The following EBF2 variants were observed in gnomAD, a reference collection of about 807,000 sequenced individuals.
The protein encoded by EBF2 is transcription factor COE2.
EBF2 carries 21 observed loss-of-function variants against 72.8 expected under a neutral mutation model. The observed-to-expected ratio is 0.29, with a 90% CI of 0.20 to 0.42. The LOEUF is 0.42. Among genes scored for constraint, EBF2 ranks in the 10% least tolerant of loss-of-function variants. The pLI is 1.00. For missense variants in EBF2, 637 were observed against 731.2 expected (o/e 0.87, Z 1.49); for synonymous variants, 299 against 274.2 (o/e 1.09, Z -0.89).
chr8:25,980,149 C>T lies in EBF2; in HGVS notation c.551+52936G>A, dbSNP rs548220294. Among the ~76,000 whole-genome samples the T allele has an allele frequency of 8.7e-4, 133 of 152,256 alleles. 1 individual carries two copies. The highest frequency in any genetic ancestry group is 2.9e-3 in the African/African-American group (122 of 41,544). On this transcript the variant is annotated intron_variant, in intron 6 of 15. Transcript: ENST00000520164. ...GCTACCCCCTCAGACCACCAAAAAA[C>T]GGAAAAGCGGGGGTGGGAGGGGCAT...
intron 6 of EBF2, among the ~76,000 whole-genome samples, chr8:26,009,331 C>T (rs1804940510): frequency 6.6e-6 from 1 of 152,110 alleles, no homozygotes; most frequent in South Asian, 2.1e-4. Context: ...TACAAGTGAG[C>T]ACCAGGGAAT....
At chr8:25,909,213 C>A (rs1272402878) in intron 6 of EBF2, among the ~76,000 whole-genome samples, 6 of 152,100 alleles carry the variant, frequency 3.9e-5, no homozygotes, top group South Asian at 2.1e-4. Flanking sequence ...ATATATATTT[C>A]TTGAAGCCAA....
chr8:26,022,486 C>A (rs1356045002), intron 6 of EBF2, among the ~76,000 whole-genome samples: 1 of 152,214 alleles, frequency 6.6e-6, no homozygotes, highest in African/African-American at 2.4e-5. Context: ...ATAGCCCCAG[C>A]CCTCATCTCA....
chr8:25,961,408 G>T (rs1489045041), intron 6 of EBF2, among the ~76,000 whole-genome samples: 3 of 152,166 alleles, frequency 2.0e-5, no homozygotes, highest in Non-Finnish European at 4.4e-5. Context: ...CTGTCGCCCA[G>T]ACTGGAGTGC....
intron 5 of EBF2, among the ~76,000 whole-genome samples, chr8:26,034,466 A>G (rs1049931561): frequency 6.6e-6 from 1 of 152,186 alleles, no homozygotes; most frequent in Non-Finnish European, 1.5e-5. Flanking sequence ...GGGCAATTAC[A>G]ACAAACAGAA....
intron 6 of EBF2, among the ~76,000 whole-genome samples, chr8:25,963,426 G>A (rs1056724480): frequency 1.3e-5 from 2 of 152,146 alleles, no homozygotes; most frequent in Non-Finnish European, 2.9e-5. Context: ...GTGCCAGCAG[G>A]TGCACAATAC....
Position 25,861,122 on chromosome 8 carries a change from G to C in EBF2, c.1269C>G (p.Gly423=), listed in dbSNP as rs761986803. Residue 423 remains glycine (G), a synonymous_variant, in exon 13 of 16, where the codon GGC becomes GGG. Coordinates refer to ENST00000520164, the MANE Select transcript of EBF2 (RefSeq NM_022659.4). ...PALSSSPAHS[G]MMGINSYGSQ... ...TGCCATAGGAGTTGATTCCCATCAT[G>C]CCACTGTGCGCTGGGGAGCTAGAGA... 6.8e-6 allele frequency: 11 copies of C among 1,614,164 alleles called. No individual in the cohort carries two copies. The South Asian group carries it at 1.2e-4, about 18-fold the overall frequency.
intron 2 of EBF2, among the ~76,000 whole-genome samples, chr8:26,041,715 T>C (rs1024653169): frequency 5.3e-5 from 8 of 152,318 alleles, no homozygotes; most frequent in Non-Finnish European, 8.8e-5. Flanking sequence ...TTCCACTTAG[T>C]GCCGCAACTC....
At chr8:26,012,562 C>T (rs948598530) in intron 6 of EBF2, among the ~76,000 whole-genome samples, 36 of 152,178 alleles carry the variant, frequency 2.4e-4, no homozygotes, top group African/African-American at 4.3e-4. Flanking sequence ...CATTTGCATT[C>T]GAAAATGAAA....
At chr8:26,001,221 G>C (rs1419172692) in intron 6 of EBF2, among the ~76,000 whole-genome samples, 1 of 152,130 alleles carries the variant, frequency 6.6e-6, no homozygotes, top group African/African-American at 2.4e-5. Context: ...AAGGGGAAGG[G>C]AAGGGACATA....
At chr8:25,924,366 AAAGTGATCCTCCCCAGAGCTCAGGC>A (rs1203857925) in intron 6 of EBF2, among the ~76,000 whole-genome samples, 1 of 152,248 alleles carries the variant, frequency 6.6e-6, no homozygotes, top group Admixed American at 6.5e-5. Context: ...CTACTCAGTA[AAAGTGATCCTCCCCAGAGCTCAGGC>A]AAGTGACCCT....
At chr8:26,041,774 A>C (rs1805604573) in intron 2 of EBF2, among the ~76,000 whole-genome samples, 1 of 152,142 alleles carries the variant, frequency 6.6e-6, no homozygotes, top group East Asian at 1.9e-4. Context: ...TAACCCAGAG[A>C]AGGGGAGCGG....
At chr8:25,907,515 T>C (rs528140815) in intron 7 of EBF2, among the ~76,000 whole-genome samples, 1 of 148,964 alleles carries the variant, frequency 6.7e-6, no homozygotes, top group Non-Finnish European at 1.5e-5. Context: ...ACGTGTCGCA[T>C]GCCCACAGTG....
intron 2 of EBF2, 38 bp downstream of exon 2, chr8:26,042,057 T>C: frequency 6.2e-7 from 1 of 1,603,234 alleles, no homozygotes; most frequent in Non-Finnish European, 8.5e-7. Context: ...AAGAGGGAGT[T>C]ATTAGGCCGC....
intron 6 of EBF2, among the ~76,000 whole-genome samples, chr8:25,940,759 G>A (rs1051809679): frequency 1.3e-5 from 2 of 152,022 alleles, no homozygotes; most frequent in Non-Finnish European, 2.9e-5. Flanking sequence ...ACTTGATCTG[G>A]CAAATAATGA....
intron 1 of EBF2, among the ~76,000 whole-genome samples, chr8:26,043,056 C>T (rs1055079497): frequency 6.6e-6 from 1 of 152,244 alleles, no homozygotes; most frequent in African/African-American, 2.4e-5. Context: ...ACGCGATCCC[C>T]ACTCATGCTG....
intron 7 of EBF2, among the ~76,000 whole-genome samples, chr8:25,903,651 C>G (rs1363219143): frequency 6.6e-6 from 1 of 152,020 alleles, no homozygotes; most frequent in Non-Finnish European, 1.5e-5. Flanking sequence ...GAGCCGAGAT[C>G]GCGCCACTGC....
At position 26,044,626 on chromosome 8, in the gene EBF2, G is replaced by A; in HGVS notation, c.131+103C>T. On this transcript the variant is annotated intron_variant, in intron 1 of 15. Coordinates refer to ENST00000520164, the MANE Select transcript of EBF2 (RefSeq NM_022659.4). This position sits in a 1 kb window ranked among gnomAD's most constrained non-coding sequence, Gnocchi z 4.1. The stretch of plus-strand genomic sequence containing the variant: ...GCAGGGCCTGGGCGACAGATGGGGG[G>A]ACAGGGAGAGAGAAAGGCACGGGGT... 5 of 1,496,374 alleles carry A rather than the reference G, an allele frequency of 3.3e-6. No homozygotes were observed. The South Asian group carries it at 3.8e-5, about 11-fold the overall frequency. 92.7% of individuals were successfully genotyped at this position (1,496,374 alleles called of 1,614,324 possible).
intron 6 of EBF2, among the ~76,000 whole-genome samples, chr8:26,015,668 T>C (rs575712581): frequency 1.3e-5 from 2 of 152,332 alleles, no homozygotes; most frequent in East Asian, 3.9e-4. Context: ...ATCCAGACTT[T>C]AATCTACATA....
Sources: gnomAD v4.1 joint callset for allele counts (sites outside exome capture counted in the v4.1 genomes callset) on GRCh38, gnomAD v4.1.1 for gene constraint, Gnocchi (gnomAD v3.1) non-coding constraint, MANE v1.5 for transcripts, NCBI Gene and HGNC (gene_info 2026-07-23, HGNC 2026-07-21) for gene names.